Variants in ADAMTSL1 observed in about 807,000 individuals in gnomAD.
The protein encoded by ADAMTSL1 is ADAMTS like 1.
A neutral mutation model predicts 201.8 loss-of-function variants in ADAMTSL1; 126 were observed. The ratio of observed to expected loss-of-function variants is 0.62; its 90% CI spans 0.54 to 0.72. ADAMTSL1 has a LOEUF of 0.72. Ranked by LOEUF, ADAMTSL1 falls within the 30% of genes least tolerant of loss-of-function variation. The pLI is 0.00. For synonymous variants in ADAMTSL1, 1,121 were observed against 903.4 expected (o/e 1.24, Z -4.32); for missense variants, 2,679 against 2,277.8 (o/e 1.18, Z -3.59).
At chr9:18,462,888 G>A (rs917879226) in intron 2 of ADAMTSL1, among the ~76,000 whole-genome samples, 8 of 152,002 alleles carry the variant, frequency 5.3e-5, no homozygotes, top group African/African-American at 9.6e-5. Flanking sequence ...GCAGTGAGCC[G>A]AGGGAGCACC....
At chr9:18,491,805 T>C (rs1308759455) in intron 1 of ADAMTSL1, among the ~76,000 whole-genome samples, 1 of 152,200 alleles carries the variant, frequency 6.6e-6, no homozygotes, top group African/African-American at 2.4e-5. Context: ...CTAATCACCA[T>C]TATTATTTCC....
chr9:18,163,155 T>C (rs1411707376), intron 1 of ADAMTSL1, among the ~76,000 whole-genome samples: 1 of 151,912 alleles, frequency 6.6e-6, no homozygotes, highest in Non-Finnish European at 1.5e-5. Flanking sequence ...AGATGAGAGT[T>C]TTAGAGTTAG....
chr9:18,058,542 T>C (rs1822299760), intron 1 of ADAMTSL1, among the ~76,000 whole-genome samples: 1 of 152,186 alleles, frequency 6.6e-6, no homozygotes, highest in Non-Finnish European at 1.5e-5. Context: ...TTTTTTTCAA[T>C]GATTATAACT....
chr9:18,044,837 T>C (rs1178009128), intron 1 of ADAMTSL1, among the ~76,000 whole-genome samples: 3 of 152,184 alleles, frequency 2.0e-5, no homozygotes, highest in African/African-American at 7.2e-5. Flanking sequence ...TACTGGTGTA[T>C]AGGTCTTTTC....
intron 2 of ADAMTSL1, among the ~76,000 whole-genome samples, chr9:18,447,800 T>C (rs1193332957): frequency 6.6e-6 from 1 of 152,222 alleles, no homozygotes; most frequent in African/African-American, 2.4e-5. Flanking sequence ...CCTTTCTCTA[T>C]ATGCATGCCC....
intron 1 of ADAMTSL1, among the ~76,000 whole-genome samples, chr9:18,032,605 A>C (rs1171913706): frequency 6.6e-6 from 1 of 152,156 alleles, no homozygotes; most frequent in African/African-American, 2.4e-5. Flanking sequence ...GGCTGCAGCC[A>C]GTCAGCAACA....
intron 4 of ADAMTSL1, among the ~76,000 whole-genome samples, chr9:18,587,309 C>A (rs1823570895): frequency 6.6e-6 from 1 of 152,050 alleles, no homozygotes; most frequent in African/African-American, 2.4e-5. Flanking sequence ...TGAACAGGCA[C>A]ATTTCAAAAG....
rs143670594 is a variant in ADAMTSL1, at chr9:18,828,071, A to G, written c.4114+1608A>G. 1.7e-3 allele frequency among the ~76,000 whole-genome samples: 255 copies of G among 152,368 alleles called. 1 individual carries two copies. Among genetic ancestry groups the G allele is most frequent in the Admixed American group, 3.3e-3 (51 of 15,306 alleles). ...CCTGTACTATGAGGACTTGAAATGC[A>G]GTAAGGCAGACTTTCATCCATGTAT... On this transcript the variant is annotated intron_variant, in intron 22 of 28. Transcript: ENST00000380548.
intron 1 of ADAMTSL1, among the ~76,000 whole-genome samples, chr9:17,925,390 A>G: frequency 8.7e-6 from 1 of 115,264 alleles, no homozygotes; most frequent in South Asian, 3.4e-4. Context: ...ATGCTGCTAT[A>G]AAGACACATG....
At chr9:18,523,334 G>T (rs929707287) in intron 2 of ADAMTSL1, among the ~76,000 whole-genome samples, 1 of 152,090 alleles carries the variant, frequency 6.6e-6, no homozygotes, top group Non-Finnish European at 1.5e-5. Flanking sequence ...TTAGATTGTG[G>T]ATATTAGCCC....
intron 1 of ADAMTSL1, among the ~76,000 whole-genome samples, chr9:18,090,125 C>G (rs1033722603): frequency 2.0e-5 from 3 of 152,042 alleles, no homozygotes; most frequent in African/African-American, 7.2e-5. Flanking sequence ...TAAGTATTGG[C>G]AAGAATGTGA....
At chr9:18,541,213 T>C (rs1820121391) in intron 3 of ADAMTSL1, among the ~76,000 whole-genome samples, 1 of 152,208 alleles carries the variant, frequency 6.6e-6, no homozygotes, top group African/African-American at 2.4e-5. Flanking sequence ...TCTAAAAGGC[T>C]ATTACGATGT....
At chr9:18,731,568 C>T (rs947955128) in intron 15 of ADAMTSL1, among the ~76,000 whole-genome samples, 1 of 152,016 alleles carries the variant, frequency 6.6e-6, no homozygotes, top group Non-Finnish European at 1.5e-5. Context: ...GAGGTCAAGG[C>T]TGCAGTGAGC....
intron 2 of ADAMTSL1, among the ~76,000 whole-genome samples, chr9:18,180,619 C>G (rs1193857389): frequency 6.7e-6 from 1 of 149,708 alleles, no homozygotes; most frequent in Non-Finnish European, 1.5e-5. Flanking sequence ...CAAACCACTG[C>G]TCAAGGAAAT....
chr9:18,060,133 A>T (rs2131695842), intron 1 of ADAMTSL1, among the ~76,000 whole-genome samples: 1 of 152,260 alleles, frequency 6.6e-6, no homozygotes, highest in South Asian at 2.1e-4. Context: ...TTACACATAC[A>T]CACACATTCC....
intron 1 of ADAMTSL1, among the ~76,000 whole-genome samples, chr9:18,074,044 G>A (rs1002474136): frequency 3.6e-4 from 55 of 152,026 alleles, no homozygotes; most frequent in African/African-American, 1.3e-3. Flanking sequence ...TTCAGTGAAC[G>A]GTCTAATTTT....
At chr9:18,807,593 C>G (rs980024554) in intron 20 of ADAMTSL1, among the ~76,000 whole-genome samples, 1 of 149,798 alleles carries the variant, frequency 6.7e-6, no homozygotes, top group Non-Finnish European at 1.5e-5. Flanking sequence ...TTGCAGTGAG[C>G]CGAGATCGCA....
At chr9:18,332,048 TG>T (rs1430680859) in intron 2 of ADAMTSL1, among the ~76,000 whole-genome samples, 4 of 152,168 alleles carry the variant, frequency 2.6e-5, no homozygotes, top group Non-Finnish European at 5.9e-5. Context: ...TCTCCAGCCC[TG>T]GGATTGAGAC....
At chr9:18,889,452 C>T (rs1295609360) in intron 24 of ADAMTSL1, 116 bp from the exon 25 acceptor site, 2 of 1,130,098 alleles carry the variant, frequency 1.8e-6, no homozygotes, top group Non-Finnish European at 1.2e-6. Flanking sequence ...AATAGCTCCT[C>T]TCCTTCAGGC....
Sources: allele counts gnomAD v4.1 joint callset (sites outside exome capture counted in the v4.1 genomes callset), GRCh38; gene constraint gnomAD v4.1.1; transcripts MANE v1.5; gene names NCBI Gene and HGNC (gene_info 2026-07-23, HGNC 2026-07-21).